THSD4: variants seen among roughly 807,000 people sequenced by gnomAD.
THSD4 encodes the protein thrombospondin type 1 domain containing 4.
A neutral mutation model predicts 119.0 loss-of-function variants in THSD4; 69 were observed. The observed-to-expected ratio is 0.58, with a 90% CI of 0.48 to 0.71. The LOEUF is 0.71. Ranked by LOEUF, THSD4 falls within the 30% of genes least tolerant of loss-of-function variation. The probability of loss-of-function intolerance (pLI) is 0.00; values close to 1 mark genes in which losing one functional copy is unlikely to be tolerated. For missense variants in THSD4, 1,393 were observed against 1,391.1 expected (o/e 1.00, Z -0.02); for synonymous variants, 524 against 540.4 (o/e 0.97, Z 0.42).
chr15:71,748,729 G>T, intron 14 of THSD4, 135 bp downstream of exon 14: 1 of 1,050,718 alleles, frequency 9.5e-7, no homozygotes, highest in South Asian at 1.6e-5. Context: ...GCCCAGAGAG[G>T]AATTATCGTA....
At chr15:71,511,837 G>C (rs146956664) in intron 7 of THSD4, among the ~76,000 whole-genome samples, 1 of 152,158 alleles carries the variant, frequency 6.6e-6, no homozygotes, top group Non-Finnish European at 1.5e-5. Flanking sequence ...CTTTAGCATC[G>C]ATAAGAAAAG....
At chr15:71,233,693 T>C (rs142085875) in intron 4 of THSD4, among the ~76,000 whole-genome samples, 100 of 152,340 alleles carry the variant, frequency 6.6e-4, no homozygotes, top group Non-Finnish European at 1.2e-3. Context: ...GATACTTAGA[T>C]TGTCTTTCAG....
At chr15:71,229,802 C>T (rs528395339) in intron 4 of THSD4, among the ~76,000 whole-genome samples, 1 of 152,240 alleles carries the variant, frequency 6.6e-6, no homozygotes, top group African/African-American at 2.4e-5. Context: ...GAAAGCTATG[C>T]CTCTTCTTAT....
intron 3 of THSD4, among the ~76,000 whole-genome samples, chr15:71,158,781 T>A (rs1329097841): frequency 6.6e-6 from 1 of 152,138 alleles, no homozygotes; most frequent in Non-Finnish European, 1.5e-5. Flanking sequence ...TGTGGAAATT[T>A]ACACCCCCTC....
intron 8 of THSD4, among the ~76,000 whole-genome samples, chr15:71,678,448 G>A (rs1251459524): frequency 2.0e-5 from 3 of 152,178 alleles, no homozygotes; most frequent in Non-Finnish European, 4.4e-5. Flanking sequence ...CTTCAGAAAT[G>A]TGAAACCTGC....
At chr15:71,284,121 T>G (rs2044687171) in intron 6 of THSD4, among the ~76,000 whole-genome samples, 1 of 152,148 alleles carries the variant, frequency 6.6e-6, no homozygotes, top group Non-Finnish European at 1.5e-5. Context: ...TGGCCCCAAG[T>G]AGTACAAAGA....
chr15:71,693,068 G>A (rs1160331311), intron 8 of THSD4, among the ~76,000 whole-genome samples: 1 of 151,612 alleles, frequency 6.6e-6, no homozygotes, highest in Non-Finnish European at 1.5e-5. Context: ...TGATAGGTTC[G>A]TTTGAAGATG....
At chr15:71,102,902 C>T (rs1000649602) in intron 1 of THSD4, among the ~76,000 whole-genome samples, 6 of 152,096 alleles carry the variant, frequency 3.9e-5, no homozygotes, top group Admixed American at 2.6e-4. Context: ...CTGAGAATTT[C>T]GGTATTTCCA....
chr15:71,119,421 C>T (rs1236136543), intron 1 of THSD4, among the ~76,000 whole-genome samples: 2 of 152,138 alleles, frequency 1.3e-5, no homozygotes, highest in African/African-American at 4.8e-5. Flanking sequence ...GTGGTTCTAG[C>T]GACAGGTGGT....
At chr15:71,717,463 A>G (rs1297801419) in intron 8 of THSD4, among the ~76,000 whole-genome samples, 1 of 152,160 alleles carries the variant, frequency 6.6e-6, no homozygotes, top group Non-Finnish European at 1.5e-5. Flanking sequence ...AATCTGGCAT[A>G]AAGGGAAAAA....
intron 2 of THSD4, among the ~76,000 whole-genome samples, chr15:71,152,518 C>T (rs1311841990): frequency 6.6e-6 from 1 of 152,144 alleles, no homozygotes; most frequent in Admixed American, 6.6e-5. Context: ...CTCCTCTAAG[C>T]TGGGCCTGTT....
intron 7 of THSD4, among the ~76,000 whole-genome samples, chr15:71,460,300 G>A (rs2047409316): frequency 6.8e-6 from 1 of 146,714 alleles, no homozygotes; most frequent in African/African-American, 2.5e-5. Flanking sequence ...AATACAAGTT[G>A]CCTGGTTTTT....
At chr15:71,442,678 A>ATGTG (rs1566985070) in intron 7 of THSD4, among the ~76,000 whole-genome samples, 42 of 87,958 alleles carry the variant, frequency 4.8e-4, no homozygotes, top group African/African-American at 1.8e-3. Flanking sequence ...ATATATATAT[A>ATGTG]TATATATATA....
intron 8 of THSD4, among the ~76,000 whole-genome samples, chr15:71,661,539 G>A (rs1394518617): frequency 6.6e-6 from 1 of 151,856 alleles, no homozygotes; most frequent in Admixed American, 6.6e-5. Context: ...GGGACCACAG[G>A]CGTGCACCAA....
chr15:71,472,719 G>A (rs2047598630), intron 7 of THSD4, among the ~76,000 whole-genome samples: 1 of 152,176 alleles, frequency 6.6e-6, no homozygotes, highest in South Asian at 2.1e-4. Flanking sequence ...ATGGAAATGG[G>A]ATCTTGATTT....
intron 6 of THSD4, among the ~76,000 whole-genome samples, chr15:71,364,197 A>G (rs917203349): frequency 1.3e-5 from 2 of 152,184 alleles, no homozygotes; most frequent in African/African-American, 4.8e-5. Context: ...AGGCAGCATG[A>G]TGGCGTGGAA....
At chr15:71,753,084 T>A (rs1486072381) in intron 14 of THSD4, among the ~76,000 whole-genome samples, 2 of 152,236 alleles carry the variant, frequency 1.3e-5, no homozygotes, top group African/African-American at 4.8e-5. Context: ...GAGTGTGTCT[T>A]ATTGCCCAAT....
intron 10 of THSD4, among the ~76,000 whole-genome samples, chr15:71,737,106 G>A (rs1273099081): frequency 6.6e-6 from 1 of 152,194 alleles, no homozygotes; most frequent in Non-Finnish European, 1.5e-5. Context: ...TACCACTGGT[G>A]AACATTTGTG....
intron 3 of THSD4, chr15:71,187,080 G>A (rs1285010973): frequency 2.6e-5 from 4 of 152,390 alleles, no homozygotes; most frequent in Non-Finnish European, 4.4e-5. Flanking sequence ...AAGGCGGGTC[G>A]AATGTGCAGC....
Sources: allele counts gnomAD v4.1 joint callset (sites outside exome capture counted in the v4.1 genomes callset), GRCh38; gene constraint gnomAD v4.1.1; transcripts MANE v1.5; gene names NCBI Gene and HGNC (gene_info 2026-07-23, HGNC 2026-07-21).